WDR64: variants seen among roughly 807,000 people sequenced by gnomAD.
WDR64 encodes the protein WD repeat-containing protein 64.
Under a neutral mutation model 139.3 loss-of-function variants are expected in WDR64, and 112 were observed. The observed-to-expected ratio is 0.80, with a 90% confidence interval of 0.69 to 0.94. WDR64 has a LOEUF of 0.94. Ranked by LOEUF, WDR64 falls within the 40% of genes least tolerant of loss-of-function variation. WDR64 has a pLI of 0.00. For missense variants in WDR64, 1,206 were observed against 1,293.1 expected, an observed-to-expected ratio of 0.93 and a Z score of 1.03; for synonymous variants, 444 against 437.7, an observed-to-expected ratio of 1.01 and a Z score of -0.18.
chr1:241,797,574 C>T (rs1659404007), intron 27 of WDR64, among the ~76,000 whole-genome samples: 1 of 152,134 alleles, frequency 6.6e-6, no homozygotes. Context: ...TTCAAAGCTG[C>T]TTTAATTAAT....
At chr1:241,720,555 C>T (rs1468737487) in intron 9 of WDR64, among the ~76,000 whole-genome samples, 4 of 151,958 alleles carry the variant, frequency 2.6e-5, no homozygotes, top group South Asian at 2.1e-4. Context: ...CAATGACCAA[C>T]GATGTTGAGT....
chr1:241,734,965 C>T (rs1033029494), intron 10 of WDR64, among the ~76,000 whole-genome samples: 2 of 152,160 alleles, frequency 1.3e-5, no homozygotes, highest in African/African-American at 4.8e-5. Context: ...TTAAGCAGCA[C>T]ATGTCTATAT....
At chr1:241,674,962 CCTTCTTTTTCT>C (rs1666427841) in intron 4 of WDR64, among the ~76,000 whole-genome samples, 3 of 26,678 alleles carry the variant, frequency 1.1e-4, no homozygotes, top group African/African-American at 2.1e-4. Context: ...CTCTCTCCTC[CCTTCTTTTTCT>C]TTCCTTCTTT....
intron 13 of WDR64, among the ~76,000 whole-genome samples, chr1:241,748,859 G>C (rs563818428): frequency 6.6e-6 from 1 of 151,540 alleles, no homozygotes; most frequent in South Asian, 2.1e-4. Flanking sequence ...AGAATGGTGT[G>C]AACCCAGGAG....
At chr1:241,784,605 T>C (rs73126016) in intron 23 of WDR64, among the ~76,000 whole-genome samples, 3,586 of 152,190 alleles carry the variant, frequency 0.024, 145 homozygotes, top group African/African-American at 0.081. Context: ...TCAAGATGAA[T>C]CTTTGGGAGT....
intron 22 of WDR64, 137 bp from the exon 23 acceptor site, chr1:241,783,135 A>G: frequency 2.8e-6 from 2 of 706,216 alleles, no homozygotes; most frequent in Non-Finnish European, 4.7e-6. Flanking sequence ...AATTGGGGGC[A>G]AGGACTTAAT....
chr1:241,800,174 T>C (rs1659480700), intron 27 of WDR64, among the ~76,000 whole-genome samples: 1 of 152,164 alleles, frequency 6.6e-6, no homozygotes, highest in African/African-American at 2.4e-5. Context: ...GTTTAGCAGG[T>C]TGATCCAGGG....
At chr1:241,707,693 C>T (rs950108741) in intron 8 of WDR64, among the ~76,000 whole-genome samples, 1 of 152,142 alleles carries the variant, frequency 6.6e-6, no homozygotes, top group Admixed American at 6.5e-5. Flanking sequence ...GGCTGTGCCC[C>T]CCACAGCTCT....
At chr1:241,725,172 A>C (rs931442250) in intron 10 of WDR64, among the ~76,000 whole-genome samples, 2 of 152,214 alleles carry the variant, frequency 1.3e-5, no homozygotes, top group Non-Finnish European at 2.9e-5. Context: ...ACAGGTTTAC[A>C]TACTGCTGGG....
intron 13 of WDR64, among the ~76,000 whole-genome samples, chr1:241,746,191 G>A (rs949624083): frequency 6.6e-6 from 1 of 152,116 alleles, no homozygotes; most frequent in Admixed American, 6.5e-5. Flanking sequence ...ACCTGGTGTA[G>A]GGGAAGGAAA....
chr1:241,669,965 A>G (rs1666160323), intron 2 of WDR64, among the ~76,000 whole-genome samples: 1 of 152,182 alleles, frequency 6.6e-6, no homozygotes, highest in Admixed American at 6.5e-5. Flanking sequence ...GCTAGTATGC[A>G]CAGTGAAATT....
intron 16 of WDR64, among the ~76,000 whole-genome samples, chr1:241,766,663 C>T (rs906577759): frequency 4.0e-5 from 6 of 151,460 alleles, no homozygotes; most frequent in African/African-American, 4.9e-5. Context: ...ATCACACCAC[C>T]GCACTACATC....
chr1:241,733,886 TC>T (rs1669189061), intron 10 of WDR64, among the ~76,000 whole-genome samples: 1 of 152,078 alleles, frequency 6.6e-6, no homozygotes, highest in Non-Finnish European at 1.5e-5. Context: ...ACTTCTGTCC[TC>T]CCAAGCTTTG....
In WDR64 at chr1:241,783,357, C is replaced by T; in HGVS notation, c.2681C>T (p.Thr894Ile). The T allele has an allele frequency of 4.3e-6, 7 of 1,614,006 alleles. No individual in the cohort carries two copies. Among genetic ancestry groups the T allele is most frequent in the Non-Finnish European group, 5.1e-6 (6 of 1,179,930 alleles). Residue 894 changes from threonine to isoleucine, a missense_variant, in exon 23 of 28, where the codon ACT (threonine) becomes ATT (isoleucine). Coordinates refer to ENST00000437684, the MANE Select transcript of WDR64 (RefSeq NM_001367482.1). ...GTAGAAGAAAAACAAGTGGTACTTA[C>T]TGCCTCCATCGATGGCTCAGTAAGG... The part of the protein sequence containing the change: ...IYVEEKQVVL[T>I]ASIDGSVRLW...
chr1:241,759,193 A>G (rs1670330643), intron 15 of WDR64, among the ~76,000 whole-genome samples: 1 of 152,174 alleles, frequency 6.6e-6, no homozygotes, highest in African/African-American at 2.4e-5. Flanking sequence ...GGAACATGAT[A>G]CCTGACACAG....
At chr1:241,676,047 T>A (rs1666543274) in intron 4 of WDR64, 1 of 152,232 alleles carries the variant, frequency 6.6e-6, no homozygotes, top group African/African-American at 2.4e-5. Context: ...TTTGAAATAA[T>A]CATTATGTGA....
chr1:241,664,174 C>T (rs750814902), intron 2 of WDR64, among the ~76,000 whole-genome samples: 3 of 152,160 alleles, frequency 2.0e-5, no homozygotes, highest in Admixed American at 6.5e-5. Flanking sequence ...GTAAACCCTG[C>T]GGATATTCCC....
At chr1:241,800,040 C>T (rs1042113679) in intron 27 of WDR64, among the ~76,000 whole-genome samples, 5 of 152,114 alleles carry the variant, frequency 3.3e-5, no homozygotes, top group African/African-American at 1.2e-4. Context: ...ATGTCTGGAA[C>T]ATAAGAGACA....
At position 241,795,254 on chromosome 1, in the gene WDR64, A is replaced by G; in HGVS notation, c.3045A>G (p.Ala1015=). ...GTTTCGTGACTGAAAACAGAGAGGC[A>G]GGGATTGTTTTCGGCTCTCTGCCTA... ...LEGFVTENRE[A]GIVFGSLPIY... Residue 1015 remains alanine (A), a synonymous_variant, in exon 26 of 28, where the codon GCA becomes GCG. Coordinates refer to ENST00000437684, the MANE Select transcript of WDR64 (RefSeq NM_001367482.1). The G allele has an allele frequency of 6.2e-7, 1 of 1,613,908 alleles. No individual in the cohort carries two copies. Among genetic ancestry groups the G allele is most frequent in the South Asian group, 1.1e-5 (1 of 91,030 alleles).
Sources: gnomAD v4.1 joint callset for allele counts (sites outside exome capture counted in the v4.1 genomes callset) on GRCh38, gnomAD v4.1.1 for gene constraint, MANE v1.5 for transcripts, NCBI Gene and HGNC (gene_info 2026-07-23, HGNC 2026-07-21) for gene names.